The following HSPA9 variants were observed in gnomAD, a reference collection of about 807,000 sequenced individuals.
HSPA9 encodes stress-70 protein, mitochondrial.
A neutral mutation model predicts 81.5 loss-of-function variants in HSPA9; 28 were observed. The observed-to-expected ratio is 0.34, with a 90% confidence interval of 0.25 to 0.47. The LOEUF (loss-of-function observed/expected upper bound fraction) is 0.47. Ranked by LOEUF, HSPA9 falls within the 20% of genes least tolerant of loss-of-function variation. HSPA9 has a pLI of 1.00. For synonymous variants in HSPA9, 293 were observed against 290.4 expected (o/e 1.01, Z -0.09); for missense variants, 678 against 838.0 (o/e 0.81, Z 2.36).
intron 12 of HSPA9, among the ~76,000 whole-genome samples, 193 bp downstream of exon 12, chr5:138,558,360 C>T (rs1580741367): frequency 6.6e-6 from 1 of 151,656 alleles, no homozygotes; most frequent in African/African-American, 2.4e-5. Context: ...TGAGGAAATT[C>T]CTAAGGCACA....
Position 138,567,014 on chromosome 5 carries a change from T to G in HSPA9, c.866A>C (p.Glu289Ala), listed in dbSNP as rs773335847. Residue 289 changes from glutamate (E) to alanine (A), a missense_variant, in exon 8 of 17, where the codon GAG (glutamate) becomes GCG (alanine). By Grantham distance (107) the Glu-to-Ala change is moderately radical. Transcript: ENST00000297185. The stretch of plus-strand genomic sequence containing the variant: ...TTGGTAACTCACCTCTCTCTTGAAC[T>G]CCTTCACAATGTGCCGTAGCAAGGC... Reference protein sequence around the residue: ...DQALLRHIVKEFKRETGVDLT... With the variant: ...DQALLRHIVKAFKRETGVDLT... 1.2e-5 allele frequency: 20 copies of G among 1,612,852 alleles called. No homozygotes were observed. The South Asian group carries it at 2.1e-4, about 17-fold the overall frequency.
rs1289546942 is a variant in HSPA9, at chr5:138,554,834, T to A, written c.*1203A>T. The A allele has an allele frequency of 6.6e-6, 1 of 152,154 alleles. No homozygotes were observed. The highest frequency in any genetic ancestry group is 1.5e-5 in the Non-Finnish European group (1 of 68,024). The allele number at this position is 152,154 out of a possible 1,614,324, so 9.4% of individuals were successfully genotyped here. On this transcript the variant is annotated 3_prime_UTR_variant, in exon 17 of 17. Coordinates refer to ENST00000297185, the MANE Select transcript of HSPA9 (RefSeq NM_004134.7). ...GCACATGATAATTATTAGAACTACATCAGAGAATTTGGGACAAGCCAGTAC... is the reference window on the plus strand; with the variant it reads ...GCACATGATAATTATTAGAACTACAACAGAGAATTTGGGACAAGCCAGTAC...
chr5:138,574,984 G>A (rs1209730558), intron 1 of HSPA9: 1 of 585,618 alleles, frequency 1.7e-6, no homozygotes, highest in East Asian at 2.8e-5. Flanking sequence ...CAGGCCATGA[G>A]GACCACTACC....
rs1364284115 is a variant in HSPA9 at position 138,554,447 on chromosome 5, G to A, written c.*1590C>T. Reference sequence around the variant, plus strand: ...TTCATAATCCTACAATGTTCCCATTGAGTGTTCATGTGGTTGGAAACCTGA... The same window carrying A: ...TTCATAATCCTACAATGTTCCCATTAAGTGTTCATGTGGTTGGAAACCTGA... On this transcript the variant is annotated 3_prime_UTR_variant, in exon 17 of 17. Coordinates refer to ENST00000297185, the MANE Select transcript of HSPA9 (RefSeq NM_004134.7). 1.3e-5 allele frequency among the ~76,000 whole-genome samples: 2 copies of A among 152,186 alleles called. No individual in the cohort carries two copies. Among genetic ancestry groups the A allele is most frequent in the Admixed American group, 1.3e-4 (2 of 15,286 alleles).
In HSPA9 at chr5:138,556,582, A is replaced by C; in HGVS notation, c.1832T>G (p.Leu611Arg). The C allele has an allele frequency of 3.1e-6, 5 of 1,614,032 alleles. No homozygotes were observed. Among genetic ancestry groups the C allele is most frequent in the Non-Finnish European group, 4.2e-6 (5 of 1,180,030 alleles). ...DQLPADECNK[L>R]KEEISKMREL... ...CCTCATTTTGGAAATCTCTTCTTTC[A>C]GCTTGTTGCACTTAAAAAAAGAAAA... The change falls in exon 16 of 17, where the codon CTG (leucine) becomes CGG (arginine). Residue 611 changes from leucine to arginine, a missense_variant. This residue lies in a region of HSPA9 where 100 missense variants were observed against 99.5 expected (regional missense o/e 1.00). Transcript: ENST00000297185.
intron 3 of HSPA9, 85 bp downstream of exon 3, chr5:138,573,678 A>G (rs887259906): frequency 7.6e-5 from 53 of 694,624 alleles, no homozygotes; most frequent in Admixed American, 4.9e-4. Flanking sequence ...AGCGCAAATC[A>G]GGTTCTCAAA....
rs41296447 is a variant in HSPA9 at position 138,559,096 on chromosome 5, G to A, written c.1411-439C>T. On this transcript the variant is annotated intron_variant, in intron 11 of 16. Coordinates refer to ENST00000297185, the MANE Select transcript of HSPA9 (RefSeq NM_004134.7). ...AACATCACAAGATTGGGTAAGTCAG[G>A]AAATAATTTTTTTTTTTTTTTTGAG... 3.9e-3 allele frequency: 752 copies of A among 194,030 alleles called. 4 individuals are homozygous for A. Among genetic ancestry groups the A allele is most frequent in the African/African-American group, 0.017 (718 of 41,834 alleles). 12.0% of individuals were successfully genotyped at this position (194,030 alleles called of 1,614,324 possible). A position where few individuals can be genotyped will look rare whatever the true frequency, so the allele number is the denominator to read the frequency against.
At position 138,554,390 on chromosome 5, in the gene HSPA9, A is replaced by AAGTT. The variant is rs1750477071; in HGVS notation, c.*1643_*1646dup. The stretch of plus-strand genomic sequence containing the variant: ...GGCAAGGGCCAACCAAAAATGCTAA[A>AAGTT]AGTTATTTTCCAACACACCATATAA... On this transcript the variant is annotated 3_prime_UTR_variant, in exon 17 of 17. Coordinates refer to ENST00000297185, the MANE Select transcript of HSPA9 (RefSeq NM_004134.7). Among the ~76,000 whole-genome samples, 1 of 152,180 alleles carries AAGTT rather than the reference A, an allele frequency of 6.6e-6. No homozygotes were observed. The highest frequency in any genetic ancestry group is 2.4e-5 in the African/African-American group (1 of 41,432).
intron 3 of HSPA9, among the ~76,000 whole-genome samples, chr5:138,572,213 G>A (rs1046937308): frequency 6.6e-6 from 1 of 151,262 alleles, no homozygotes; most frequent in Non-Finnish European, 1.5e-5. Flanking sequence ...GGGATTACAG[G>A]CATGACCCAC....
At chr5:138,571,803 C>G (rs1750900764) in intron 3 of HSPA9, among the ~76,000 whole-genome samples, 1 of 92,468 alleles carries the variant, frequency 1.1e-5, no homozygotes, top group Non-Finnish European at 2.4e-5. Context: ...CCACCACACC[C>G]AACTAATTTT....
chr5:138,565,931 A>G (rs1750750945), intron 9 of HSPA9, among the ~76,000 whole-genome samples: 1 of 152,216 alleles, frequency 6.6e-6, no homozygotes. Flanking sequence ...CACGCCCATT[A>G]TCCCAGCACT....
At chr5:138,561,329 T>C (rs750820340) in intron 10 of HSPA9, among the ~76,000 whole-genome samples, 1 of 152,142 alleles carries the variant, frequency 6.6e-6, no homozygotes, top group Non-Finnish European at 1.5e-5. Flanking sequence ...CATATATATA[T>C]ATAAATTAGA....
In HSPA9 at chr5:138,575,298, A is replaced by C. The variant is rs36043650; in HGVS notation, c.21T>G (p.Ala7=). The part of the protein sequence containing the change: MISASR[A]AAARLVGAAA... Reference sequence around the variant, plus strand: ...CGGCGCCCACGAGACGGGCTGCTGCAGCTCGGCTGGCACTTATCATGGCGG... The same window carrying C: ...CGGCGCCCACGAGACGGGCTGCTGCCGCTCGGCTGGCACTTATCATGGCGG... Residue 7 remains alanine, a synonymous_variant, in exon 1 of 17, where the codon GCT becomes GCG. Transcript: ENST00000297185. The C allele has an allele frequency of 6.5e-4, 1,045 of 1,612,228 alleles. 13 individuals are homozygous for C. In the African/African-American group the frequency reaches 0.012, roughly 18 times the overall value.
chr5:138,573,900 A>G, intron 2 of HSPA9, 50 bp from the exon 3 acceptor site: 1 of 1,427,182 alleles, frequency 7.0e-7, no homozygotes, highest in Non-Finnish European at 9.9e-7. Flanking sequence ...TTGATAGACC[A>G]AAGTCACTGG....
rs1204819586 is a variant in HSPA9, at chr5:138,568,990, T to C, written c.470A>G (p.His157Arg). Residue 157 changes from histidine to arginine, a missense_variant, in exon 5 of 17, where the codon CAT becomes CGT. By Grantham distance (29) the His-to-Arg change is conservative. Around this residue, in one of 4 missense-constraint regions of HSPA9, gnomAD observed 484 missense variants for 647.5 expected, o/e 0.75. Transcript: ENST00000297185. The part of the protein sequence containing the change: ...ASNGDAWVEA[H>R]GKLYSPSQIG... ...CTGACTCGGAGAATACAATTTCCCA[T>C]GAGCCTCAACCCAGGCATCACCATT... The C allele has an allele frequency of 1.2e-6, 2 of 1,613,840 alleles. No individual in the cohort carries two copies. Among genetic ancestry groups the C allele is most frequent in the African/African-American group, 2.7e-5 (2 of 74,926 alleles).
chr5:138,568,151 C>A (rs138922208), intron 5 of HSPA9, among the ~76,000 whole-genome samples: 212 of 151,244 alleles, frequency 1.4e-3, no homozygotes, highest in Middle Eastern at 7.0e-3. Context: ...CACCACTGCA[C>A]TCTAGCTTGG....
chr5:138,575,198 C>T, intron 1 of HSPA9, 40 bp downstream of exon 1: 1 of 1,442,844 alleles, frequency 6.9e-7, no homozygotes, highest in Non-Finnish European at 9.6e-7. Flanking sequence ...GCCCAAGGCC[C>T]GAGGCCGTGA....
At position 138,555,710 on chromosome 5, in the gene HSPA9, G is replaced by A. The variant is rs943525518; in HGVS notation, c.*327C>T. 1.9e-5 allele frequency: 7 copies of A among 373,306 alleles called. No individual in the cohort carries two copies. Among genetic ancestry groups the A allele is most frequent in the South Asian group, 4.6e-5 (2 of 43,208 alleles). 23.1% of individuals were successfully genotyped at this position (373,306 alleles called of 1,614,324 possible). The stretch of plus-strand genomic sequence containing the variant: ...GATGACTACCTTCATTGCTGTGTGC[G>A]AGATGGTTTCACCCCTTGAAAATAT... On this transcript the variant is annotated 3_prime_UTR_variant, in exon 17 of 17. Transcript: ENST00000297185.
intron 11 of HSPA9, chr5:138,558,871 T>C (rs752270660): frequency 1.7e-5 from 9 of 523,712 alleles, no homozygotes; most frequent in Non-Finnish European, 2.8e-5. Context: ...AGCAAATGCA[T>C]TGTACAAAGA....
Sources: gnomAD v4.1 joint callset for allele counts (sites outside exome capture counted in the v4.1 genomes callset) on GRCh38, gnomAD v4.1.1 for gene constraint, gnomAD v4.1.1 regional missense constraint, MANE v1.5 for transcripts, NCBI Gene and HGNC (gene_info 2026-07-23, HGNC 2026-07-21) for gene names.